APBB2: variants seen among roughly 807,000 people sequenced by gnomAD.
APBB2 encodes the protein amyloid beta precursor protein binding family B member 2, also known as Fe65-like 1.
Under a neutral mutation model 82.5 loss-of-function variants are expected in APBB2, and 38 were observed. That is an observed-to-expected ratio of 0.46 (90% CI 0.36 to 0.60). APBB2 has a LOEUF of 0.60. Ranked by LOEUF, APBB2 falls within the 20% of genes least tolerant of loss-of-function variation. The pLI is 0.00. For synonymous variants in APBB2, 341 were observed against 368.2 expected, an observed-to-expected ratio of 0.93 and a Z score of 0.85; for missense variants, 772 against 972.3, an observed-to-expected ratio of 0.79 and a Z score of 2.74.
At chr4:40,910,213 C>T (rs1337804685) in intron 10 of APBB2, among the ~76,000 whole-genome samples, 5 of 151,584 alleles carry the variant, frequency 3.3e-5, no homozygotes, top group Middle Eastern at 3.2e-3. Context: ...GGTGATCCGC[C>T]GCCTCGGCCT....
intron 10 of APBB2, among the ~76,000 whole-genome samples, chr4:40,926,083 A>G (rs1782542150): frequency 6.6e-6 from 1 of 152,238 alleles, no homozygotes; most frequent in Non-Finnish European, 1.5e-5. Context: ...GCAAATGGCC[A>G]TAAAAGAACT....
At chr4:41,155,287 CAG>C (rs760880149) in intron 1 of APBB2, among the ~76,000 whole-genome samples, 15 of 152,014 alleles carry the variant, frequency 9.9e-5, no homozygotes, top group South Asian at 2.1e-4. Flanking sequence ...TACATTAACT[CAG>C]GGGGAAAATG....
chr4:41,077,418 A>C (rs1045303448), intron 3 of APBB2, among the ~76,000 whole-genome samples: 19 of 152,158 alleles, frequency 1.2e-4, no homozygotes, highest in Non-Finnish European at 2.2e-4. Context: ...TGAATGAAAA[A>C]GTGACATACC....
intron 6 of APBB2, among the ~76,000 whole-genome samples, chr4:40,981,417 C>T (rs564127777): frequency 6.4e-4 from 97 of 151,938 alleles, no homozygotes; most frequent in Non-Finnish European, 1.2e-3. Flanking sequence ...AGAATTAATT[C>T]GAATCCAGAA....
intron 2 of APBB2, among the ~76,000 whole-genome samples, chr4:41,129,899 G>A (rs2154004567): frequency 6.6e-6 from 1 of 152,142 alleles, no homozygotes; most frequent in South Asian, 2.1e-4. Flanking sequence ...ATGTTAGAAG[G>A]GGCTAAGATC....
At chr4:41,075,961 A>G (rs1031092801) in intron 3 of APBB2, among the ~76,000 whole-genome samples, 81 of 152,340 alleles carry the variant, frequency 5.3e-4, no homozygotes, top group African/African-American at 1.9e-3. Flanking sequence ...CAAGTTGATC[A>G]CCAGGGATTA....
intron 6 of APBB2, among the ~76,000 whole-genome samples, chr4:40,999,879 T>C (rs1359107621): frequency 6.6e-6 from 1 of 152,002 alleles, no homozygotes; most frequent in Non-Finnish European, 1.5e-5. Flanking sequence ...ATACCTATTG[T>C]AAGAACTTAT....
chr4:40,830,380 GC>G, intron 13 of APBB2, 82 bp downstream of exon 13: 1 of 907,870 alleles, frequency 1.1e-6, no homozygotes, highest in Non-Finnish European at 1.8e-6. Context: ...AGGTTGATGT[GC>G]CCACTCCCCC....
chr4:41,083,580 C>T (rs1412321527), intron 3 of APBB2, among the ~76,000 whole-genome samples: 1 of 147,530 alleles, frequency 6.8e-6, no homozygotes, highest in Non-Finnish European at 1.5e-5. Context: ...CGCAGCTACT[C>T]AGGAGGCTGA....
chr4:41,168,485 C>A (rs573147644), intron 1 of APBB2, among the ~76,000 whole-genome samples: 1 of 152,032 alleles, frequency 6.6e-6, no homozygotes, highest in South Asian at 2.1e-4. Context: ...ATTACAGGCA[C>A]CTGCCACCAT....
chr4:41,087,505 C>CT (rs1256870810), intron 3 of APBB2, among the ~76,000 whole-genome samples: 1 of 152,156 alleles, frequency 6.6e-6, no homozygotes, highest in African/African-American at 2.4e-5. Flanking sequence ...TCTTAGCTCA[C>CT]TGCAACCTCC....
chr4:41,155,291 G>T (rs1418232277), intron 1 of APBB2, among the ~76,000 whole-genome samples: 2 of 151,932 alleles, frequency 1.3e-5, no homozygotes, highest in Non-Finnish European at 1.5e-5. Flanking sequence ...TTAACTCAGG[G>T]GGAAAATGAG....
At chr4:40,990,112 C>T (rs1801600798) in intron 6 of APBB2, 1 of 152,172 alleles carries the variant, frequency 6.6e-6, no homozygotes, top group African/African-American at 2.4e-5. Flanking sequence ...GTGGTATATA[C>T]AGACAGTGGA....
intron 12 of APBB2, among the ~76,000 whole-genome samples, chr4:40,876,806 A>G (rs1048812588): frequency 5.3e-5 from 8 of 152,224 alleles, no homozygotes; most frequent in African/African-American, 1.4e-4. Context: ...ATCTGCAGAT[A>G]TAGAGGGCCG....
chr4:40,960,369 A>T (rs1792776922), intron 6 of APBB2, among the ~76,000 whole-genome samples: 1 of 151,986 alleles, frequency 6.6e-6, no homozygotes, highest in African/African-American at 2.4e-5. Context: ...TGGGGTTAAG[A>T]TATTTAAATT....
In APBB2 at chr4:40,896,014, T is replaced by C. The variant is rs141989184; in HGVS notation, c.1255-2603A>G. 2.2e-4 allele frequency among the ~76,000 whole-genome samples: 33 copies of C among 152,180 alleles called. No individual in the cohort carries two copies. The East Asian group carries it at 5.8e-3, about 27-fold the overall frequency. ...ATTTTTGTTGGGGGACAATGTCAGA[T>C]GGTGTTAGGATGATAAACAAGGCTG... On this transcript the variant is annotated intron_variant, in intron 10 of 17. Transcript: ENST00000508593.
chr4:41,063,577 G>A (rs904069130), intron 4 of APBB2, among the ~76,000 whole-genome samples: 1 of 152,172 alleles, frequency 6.6e-6, no homozygotes, highest in African/African-American at 2.4e-5. Context: ...TCTATTATCA[G>A]CTATCCCTCC....
intron 4 of APBB2, among the ~76,000 whole-genome samples, chr4:41,051,667 T>C (rs1036241408): frequency 6.6e-6 from 1 of 152,154 alleles, no homozygotes; most frequent in African/African-American, 2.4e-5. Flanking sequence ...TTATTAACCG[T>C]CCCGAAGGCC....
At chr4:40,819,176 C>CTT (rs1188181954) in intron 17 of APBB2, among the ~76,000 whole-genome samples, 26,428 of 134,954 alleles carry the variant, frequency 0.2, 3,036 homozygotes, top group East Asian at 0.34. Context: ...CCTTGGCTCT[C>CTT]TTTTTTTTTT....
Sources: allele counts gnomAD v4.1 joint callset (sites outside exome capture counted in the v4.1 genomes callset), GRCh38; gene constraint gnomAD v4.1.1; transcripts MANE v1.5; gene names NCBI Gene and HGNC (gene_info 2026-07-23, HGNC 2026-07-21).